AUNIP: variants seen among roughly 807,000 people sequenced by gnomAD.
AUNIP encodes the protein aurora kinase A- and ninein-interacting protein.
A neutral mutation model predicts 12.2 loss-of-function variants in AUNIP; 16 were observed. The observed-to-expected ratio is 1.31, with a 90% confidence interval of 0.88 to 1.99. AUNIP has a LOEUF of 1.99. Ranked by LOEUF, AUNIP falls within the 30% of genes most tolerant of loss-of-function variation. The probability of loss-of-function intolerance (pLI) is 0.00; values close to 1 mark genes in which losing one functional copy is unlikely to be tolerated. For missense variants in AUNIP, 411 were observed against 419.1 expected (o/e 0.98, Z 0.17); for synonymous variants, 142 against 154.8 (o/e 0.92, Z 0.61).
downstream of AUNIP, chr1:25,832,120 ATCT>A (rs1410536557): frequency 6.2e-7 from 1 of 1,600,576 alleles, no homozygotes; most frequent in Non-Finnish European, 8.5e-7. Flanking sequence ...TTAAGGATAG[ATCT>A]TCTGCAACAG....
intron 1 of AUNIP, among the ~76,000 whole-genome samples, chr1:25,856,505 G>A (rs1415727495): frequency 4.0e-5 from 6 of 151,890 alleles, no homozygotes; most frequent in Middle Eastern, 3.2e-3. Flanking sequence ...GAGAAACCCC[G>A]TCTCTACTAA....
chr1:25,854,769 G>A (rs995398306), intron 1 of AUNIP, among the ~76,000 whole-genome samples: 1 of 152,004 alleles, frequency 6.6e-6, no homozygotes, highest in Non-Finnish European at 1.5e-5. Context: ...CTAGAGGTGC[G>A]GTATCCAATT....
At chr1:25,844,288 G>A (rs1410242598) in intron 1 of AUNIP, among the ~76,000 whole-genome samples, 2 of 152,104 alleles carry the variant, frequency 1.3e-5, no homozygotes, top group African/African-American at 4.8e-5. Context: ...TGTGTTTTTA[G>A]TAGAGACGAG....
intron 1 of AUNIP, among the ~76,000 whole-genome samples, chr1:25,840,640 A>G (rs1261611669): frequency 8.5e-5 from 13 of 152,186 alleles, no homozygotes; most frequent in Non-Finnish European, 1.8e-4. Flanking sequence ...ACTACTTTGA[A>G]CAATAAGGTA....
chr1:25,856,444 G>A (rs1553124789), intron 1 of AUNIP, among the ~76,000 whole-genome samples: 1 of 151,890 alleles, frequency 6.6e-6, no homozygotes, highest in South Asian at 2.1e-4. Flanking sequence ...AGGAGGCCGA[G>A]GCAGGTGGAT....
chr1:25,858,051 C>T (rs2048477065), intron 1 of AUNIP, among the ~76,000 whole-genome samples: 1 of 152,100 alleles, frequency 6.6e-6, no homozygotes, highest in African/African-American at 2.4e-5. Context: ...CCTGTAGTCC[C>T]AGCTACTCAG....
rs779034171 is a variant in AUNIP at position 25,835,771 on chromosome 1, T to A, written c.296A>T (p.Asn99Ile). Residue 99 changes from asparagine (N) to isoleucine (I), a missense_variant, in exon 3 of 3, where the codon AAT becomes ATT. By Grantham distance (149) the Asn-to-Ile change is moderately radical. Coordinates refer to ENST00000374298, the MANE Select transcript of AUNIP (RefSeq NM_024037.3). ...ESQINKESKK[N>I]ATQLDHLIPG... ...GATCAAATGGTCTAGCTGGGTCGCA[T>A]TTTTCTTGGACTCTTTGTTGATCTG... is the stretch of plus-strand genomic sequence containing the variant. 6.2e-7 allele frequency: 1 copy of A among 1,614,102 alleles called. No homozygotes were observed. Among genetic ancestry groups the A allele is most frequent in the African/African-American group, 1.3e-5 (1 of 74,932 alleles).
In AUNIP at chr1:25,834,478, G is replaced by C. The variant is rs191524527; in HGVS notation, c.*515C>G. The stretch of plus-strand genomic sequence containing the variant: ...AAAATCCAAAAAAAATTAGCTGGGC[G>C]TGGTGGCGCATGCCTGTAGTCCCTG... On this transcript the variant is annotated 3_prime_UTR_variant, in exon 3 of 3. Transcript: ENST00000374298. 1 of 721,428 alleles carries C rather than the reference G, an allele frequency of 1.4e-6. No homozygotes were observed. The highest frequency in any genetic ancestry group is 1.7e-6 in the Non-Finnish European group (1 of 589,426). 44.7% of individuals were successfully genotyped at this position (721,428 alleles called of 1,614,324 possible).
chr1:25,846,579 C>G lies in AUNIP; in HGVS notation c.79-9025G>C, dbSNP rs569703161. Among the ~76,000 whole-genome samples, 23 of 152,142 alleles carry G rather than the reference C, an allele frequency of 1.5e-4. No individual in the cohort carries two copies. The South Asian group carries it at 4.8e-3, about 32-fold the overall frequency. On this transcript the variant is annotated intron_variant, in intron 1 of 2. Transcript: ENST00000374298. ...TCTCTACTAAAATACAAAAATTAAC[C>G]AGGCATGATGGCAGATGCCTCTAAT...
Position 25,834,257 on chromosome 1 carries a change from AAAG to A in AUNIP, c.*733_*735del, listed in dbSNP as rs973455393. Reference sequence around the variant, plus strand: ...GGGAGATTTGCTAATCACTGAAAAAAAAGGGTCAAGAGTAATCATCCCAAGCTT... The same window carrying A: ...GGGAGATTTGCTAATCACTGAAAAAAGGTCAAGAGTAATCATCCCAAGCTT... On this transcript the variant is annotated 3_prime_UTR_variant, in exon 3 of 3. Transcript: ENST00000374298. 6 of 985,364 alleles carry A rather than the reference AAAG, an allele frequency of 6.1e-6. No individual in the cohort carries two copies. In the African/African-American group the frequency reaches 1.0e-4, roughly 17 times the overall value. The allele number at this position is 985,364 out of a possible 1,614,324, so 61.0% of individuals were successfully genotyped here.
intron 1 of AUNIP, among the ~76,000 whole-genome samples, chr1:25,838,347 AC>A (rs1330483025): frequency 2.0e-5 from 3 of 151,962 alleles, no homozygotes; most frequent in Non-Finnish European, 4.4e-5. Context: ...TACTAAAAAT[AC>A]AAAAATTAGC....
Position 25,847,372 on chromosome 1 carries a change from C to T in AUNIP, c.79-9818G>A, listed in dbSNP as rs2048391233. On this transcript the variant is annotated intron_variant, in intron 1 of 2. Transcript: ENST00000374298. The surrounding 1 kb of genome is among the most constrained non-coding windows in gnomAD (Gnocchi z 4.2). ...TGCTTCCTAGGTTCAAGTGATTCTGCTGCCTCAGCCTCCCGTGTAGCTGGG... is the reference window on the plus strand; with the variant it reads ...TGCTTCCTAGGTTCAAGTGATTCTGTTGCCTCAGCCTCCCGTGTAGCTGGG... Among the ~76,000 whole-genome samples, 1 of 152,138 alleles carries T rather than the reference C, an allele frequency of 6.6e-6. No individual in the cohort carries two copies. Among genetic ancestry groups the T allele is most frequent in the African/African-American group, 2.4e-5 (1 of 41,438 alleles).
chr1:25,857,366 C>A (rs1157578966), intron 1 of AUNIP, among the ~76,000 whole-genome samples: 4 of 150,922 alleles, frequency 2.7e-5, no homozygotes, highest in African/African-American at 9.7e-5. Flanking sequence ...CTGTCTCAGC[C>A]TCCCGAGTAG....
At chr1:25,838,251 T>A (rs1201049724) in intron 1 of AUNIP, among the ~76,000 whole-genome samples, 3 of 151,622 alleles carry the variant, frequency 2.0e-5, no homozygotes, top group Admixed American at 2.0e-4. Context: ...ACACCTGTAA[T>A]CCCAACACTT....
chr1:25,834,059 A>G lies in AUNIP; in HGVS notation c.*934T>C, dbSNP rs2048276914. Reference sequence around the variant, plus strand: ...AGTTTTACAAAGGGGATTCCCTCCTATCTTGTGGGAAAAGGGTAACAGAGT... The same window carrying G: ...AGTTTTACAAAGGGGATTCCCTCCTGTCTTGTGGGAAAAGGGTAACAGAGT... On this transcript the variant is annotated 3_prime_UTR_variant, in exon 3 of 3. Coordinates refer to ENST00000374298, the MANE Select transcript of AUNIP (RefSeq NM_024037.3). 1.0e-6 allele frequency: 1 copy of G among 985,224 alleles called. No individual in the cohort carries two copies. The highest frequency in any genetic ancestry group is 1.7e-5 in the African/African-American group (1 of 57,244). The allele number at this position is 985,224 out of a possible 1,614,324, so 61.0% of individuals were successfully genotyped here.
chr1:25,849,035 G>T (rs1233328044), intron 1 of AUNIP, among the ~76,000 whole-genome samples: 1 of 152,136 alleles, frequency 6.6e-6, no homozygotes, highest in African/African-American at 2.4e-5. Flanking sequence ...CCTGAGAATG[G>T]TTCTGGGGAC....
Position 25,847,416 on chromosome 1 carries a change from G to A in AUNIP, c.79-9862C>T, listed in dbSNP as rs538535059. On this transcript the variant is annotated intron_variant, in intron 1 of 2. Transcript: ENST00000374298. This position sits in a 1 kb window ranked among gnomAD's most constrained non-coding sequence, Gnocchi z 4.2. ...AGCTGGGATTACAGGCATGCGCCACGATGCCAGCTAAATTTTTTTTGTATT... is the reference window on the plus strand; with the variant it reads ...AGCTGGGATTACAGGCATGCGCCACAATGCCAGCTAAATTTTTTTTGTATT... Among the ~76,000 whole-genome samples the A allele has an allele frequency of 2.0e-4, 30 of 151,984 alleles. No homozygotes were observed. The highest frequency in any genetic ancestry group is 6.5e-4 in the African/African-American group (27 of 41,466).
At chr1:25,858,525 A>C (rs761225390) in intron 1 of AUNIP, among the ~76,000 whole-genome samples, 1 of 152,256 alleles carries the variant, frequency 6.6e-6, no homozygotes, top group Admixed American at 6.5e-5. Flanking sequence ...TAGCACCAGC[A>C]TAAAATGCTC....
Position 25,835,801 on chromosome 1 carries a change from T to C in AUNIP, c.266A>G (p.Glu89Gly), listed in dbSNP as rs776261811. Reference protein sequence around the residue: ...SDQKSVSSHTESQINKESKKN... With the variant: ...SDQKSVSSHTGSQINKESKKN... ...CTTGGACTCTTTGTTGATCTGACTT[T>C]CTGTATGAGATGAAACACTCTTCTG... Residue 89 changes from glutamate (E) to glycine (G), a missense_variant, in exon 3 of 3, where the codon GAA becomes GGA. By Grantham distance (98) the Glu-to-Gly change is moderately conservative. Transcript: ENST00000374298. 6.2e-7 allele frequency: 1 copy of C among 1,614,228 alleles called. No homozygotes were observed. The highest frequency in any genetic ancestry group is 2.2e-5 in the East Asian group (1 of 44,886).
Sources: allele counts gnomAD v4.1 joint callset (sites outside exome capture counted in the v4.1 genomes callset), GRCh38; gene constraint gnomAD v4.1.1; non-coding constraint Gnocchi (gnomAD v3.1); transcripts MANE v1.5; gene names NCBI Gene and HGNC (gene_info 2026-07-23, HGNC 2026-07-21).